Variants in AMD1 observed in about 807,000 individuals in gnomAD.
AMD1 encodes adenosylmethionine decarboxylase 1.
A neutral mutation model predicts 40.2 loss-of-function variants in AMD1; 11 were observed. The ratio of observed to expected loss-of-function variants is 0.27; its 90% CI spans 0.17 to 0.45. The LOEUF is 0.45. Among genes scored for constraint, AMD1 ranks in the 20% least tolerant of loss-of-function variants. AMD1 has a pLI of 1.00. For synonymous variants in AMD1, 121 were observed against 130.8 expected, an observed-to-expected ratio of 0.93 and a Z score of 0.51; for missense variants, 257 against 410.2, an observed-to-expected ratio of 0.63 and a Z score of 3.23.
chr6:110,876,967 G>A (rs931868334), intron 1 of AMD1, among the ~76,000 whole-genome samples: 1 of 152,208 alleles, frequency 6.6e-6, no homozygotes, highest in African/African-American at 2.4e-5. Flanking sequence ...AGTTCTTGGC[G>A]GTTTGGCTGT....
At chr6:110,868,748 G>C in the AMD1 span, among the ~76,000 whole-genome samples, 1 of 152,048 alleles carries the variant, frequency 6.6e-6, no homozygotes, top group African/African-American at 2.4e-5. Flanking sequence ...TTGTTTCACA[G>C]TTAAACTTAA....
the AMD1 span, among the ~76,000 whole-genome samples, chr6:110,852,521 A>C: frequency 1.3e-5 from 2 of 152,058 alleles, no homozygotes; most frequent in Non-Finnish European, 2.9e-5. Context: ...CACCTGGCCC[A>C]TAATGAATTC....
chr6:110,843,860 T>C, the AMD1 span, among the ~76,000 whole-genome samples: 1 of 152,202 alleles, frequency 6.6e-6, no homozygotes, highest in Non-Finnish European at 1.5e-5. Context: ...AGTGTTGCGA[T>C]TACAGGTGTG....
intron 1 of AMD1, among the ~76,000 whole-genome samples, chr6:110,877,337 C>T (rs918140033): frequency 3.3e-5 from 5 of 152,224 alleles, no homozygotes; most frequent in African/African-American, 1.2e-4. Context: ...TTTTCAGTGA[C>T]CACTCAAGTG....
chr6:110,826,003 C>T, the AMD1 span, among the ~76,000 whole-genome samples: 3 of 150,310 alleles, frequency 2.0e-5, no homozygotes, highest in East Asian at 5.9e-4. Context: ...CCCGTCTCTA[C>T]AAAAAAATTA....
At chr6:110,836,821 T>C in the AMD1 span, among the ~76,000 whole-genome samples, 1 of 152,112 alleles carries the variant, frequency 6.6e-6, no homozygotes, top group African/African-American at 2.4e-5. Context: ...AGATTATTTA[T>C]AGGCTGGTGA....
At chr6:110,827,205 G>A in the AMD1 span, among the ~76,000 whole-genome samples, 203 of 152,120 alleles carry the variant, frequency 1.3e-3, no homozygotes, top group Non-Finnish European at 2.5e-3. Flanking sequence ...CTGAATGAGG[G>A]GCCATCCTGA....
the AMD1 span, chr6:110,858,596 C>T: frequency 6.3e-7 from 1 of 1,578,564 alleles, no homozygotes; most frequent in Non-Finnish European, 8.7e-7. Context: ...CATGACGCAG[C>T]TGCAGGTGTC....
chr6:110,874,732 G>A (rs1433437636), upstream of AMD1: 1 of 164,070 alleles, frequency 6.1e-6, no homozygotes, highest in Admixed American at 6.4e-5. Context: ...GTCACTTCCT[G>A]GTCTTTTGGG....
upstream of AMD1, among the ~76,000 whole-genome samples, chr6:110,870,654 C>A (rs568670732): frequency 7.9e-5 from 12 of 152,164 alleles, no homozygotes; most frequent in South Asian, 2.5e-3. Context: ...ACAAAAACAA[C>A]AAAAAAAGTT....
the AMD1 span, among the ~76,000 whole-genome samples, chr6:110,865,989 C>T: frequency 3.9e-4 from 59 of 152,194 alleles, no homozygotes; most frequent in African/African-American, 1.4e-3. Flanking sequence ...TCTCGAACTC[C>T]TGACCTCAGG....
the AMD1 span, among the ~76,000 whole-genome samples, chr6:110,845,617 T>C: frequency 3.3e-5 from 5 of 152,148 alleles, no homozygotes; most frequent in Admixed American, 1.3e-4. Context: ...GTCATTAAAC[T>C]CCTAATAATT....
At chr6:110,874,604 C>G (rs1038599618), upstream of AMD1, among the ~76,000 whole-genome samples, 1 of 151,554 alleles carries the variant, frequency 6.6e-6, no homozygotes, top group African/African-American at 2.4e-5. Context: ...GAGCCCGAGC[C>G]GCAGCGCAGT....
chr6:110,889,758 T>C (rs1324783809), intron 3 of AMD1: 1 of 152,784 alleles, frequency 6.5e-6, no homozygotes, highest in Admixed American at 6.5e-5. Flanking sequence ...TGAATTTTAA[T>C]CTTTAACTTC....
chr6:110,840,924 A>G, the AMD1 span, among the ~76,000 whole-genome samples: 2 of 152,214 alleles, frequency 1.3e-5, no homozygotes, highest in Non-Finnish European at 2.9e-5. Flanking sequence ...ACCAATATCT[A>G]TTATACATCA....
chr6:110,874,782 C>T (rs949056710), upstream of AMD1: 10 of 207,928 alleles, frequency 4.8e-5, no homozygotes, highest in African/African-American at 2.1e-4. Flanking sequence ...ACGCAGCGCT[C>T]TCGCTTACAC....
chr6:110,878,907 T>G (rs957200883), intron 1 of AMD1, among the ~76,000 whole-genome samples: 1 of 152,200 alleles, frequency 6.6e-6, no homozygotes, highest in African/African-American at 2.4e-5. Context: ...AACTCATGAC[T>G]TATTTGACTA....
At chr6:110,874,568 A>C (rs1035823887), upstream of AMD1, among the ~76,000 whole-genome samples, 4 of 152,006 alleles carry the variant, frequency 2.6e-5, no homozygotes, top group African/African-American at 9.7e-5. Context: ...ACATCACAGC[A>C]CCAACTCCCA....
At chr6:110,831,250 C>T in the AMD1 span, among the ~76,000 whole-genome samples, 1 of 151,738 alleles carries the variant, frequency 6.6e-6, no homozygotes, top group East Asian at 1.9e-4. Context: ...CCAGTCTGGC[C>T]AACATAGTGA....
Sources: allele counts gnomAD v4.1 joint callset (sites outside exome capture counted in the v4.1 genomes callset), GRCh38; gene constraint gnomAD v4.1.1; transcripts MANE v1.5; gene names NCBI Gene and HGNC (gene_info 2026-07-23, HGNC 2026-07-21).